The following TUT4 variants were observed in gnomAD, a reference collection of about 807,000 sequenced individuals.
The protein encoded by TUT4 is terminal uridylyl transferase 4.
TUT4 carries 36 observed loss-of-function variants against 192.2 expected under a neutral mutation model. That is an observed-to-expected ratio of 0.19 (90% CI 0.14 to 0.25). The LOEUF (loss-of-function observed/expected upper bound fraction) is 0.25. TUT4 is among the 10% of genes least tolerant of loss of function. The pLI is 1.00. For synonymous variants in TUT4, 618 were observed against 666.0 expected (o/e 0.93, Z 1.11); for missense variants, 1,493 against 1,957.2 (o/e 0.76, Z 4.47).
At chr1:52,535,607 G>A (rs72905613) in intron 1 of TUT4, among the ~76,000 whole-genome samples, 10,169 of 152,150 alleles carry the variant, frequency 0.067, 1,127 homozygotes, top group African/African-American at 0.23. Flanking sequence ...AGAGAAGGGT[G>A]TAGAAAAAAT....
At chr1:52,548,815 A>G (rs1422644308) in intron 1 of TUT4, among the ~76,000 whole-genome samples, 2 of 152,216 alleles carry the variant, frequency 1.3e-5, no homozygotes, top group African/African-American at 2.4e-5. Context: ...TTGCCCATCT[A>G]TAGTGGTGAA....
rs1676546942 is a variant in TUT4, at chr1:52,509,602, A to G, written c.993T>C (p.Asn331=). 6.6e-7 allele frequency: 1 copy of G among 1,518,300 alleles called. No homozygotes were observed. Among genetic ancestry groups the G allele is most frequent in the Non-Finnish European group, 9.0e-7 (1 of 1,106,420 alleles). The allele number at this position is 1,518,300 out of a possible 1,614,324, so 94.1% of individuals were successfully genotyped here. ...KHIKEKRHKK[N]ILEKQEESEL... The stretch of plus-strand genomic sequence containing the variant: ...TTTTTTAAAAAGAACTTACCAAAAT[A>G]TTTTTCTTATGTCGTTTCTCCTTTA... Residue 331 remains asparagine (N), a synonymous_variant, in exon 4 of 30, where the codon AAT becomes AAC. Coordinates refer to ENST00000257177, the MANE Select transcript of TUT4 (RefSeq NM_001009881.3).
chr1:52,512,968 A>G (rs1340660218), intron 3 of TUT4, among the ~76,000 whole-genome samples: 1 of 152,008 alleles, frequency 6.6e-6, no homozygotes, highest in Non-Finnish European at 1.5e-5. Context: ...ATGTTACTTA[A>G]GAGGACAAGC....
rs140001436 is a variant in TUT4, at chr1:52,543,808, T to C, written c.-94+9123A>G. Among the ~76,000 whole-genome samples, 3 of 152,006 alleles carry C rather than the reference T, an allele frequency of 2.0e-5. No homozygotes were observed. In the East Asian group the frequency reaches 5.8e-4, roughly 30 times the overall value. Reference sequence around the variant, plus strand: ...CTTACTGTTGTTAAAATGTCCACACTACCCAAAGCAATCTAAACATTTAAT... The same window carrying C: ...CTTACTGTTGTTAAAATGTCCACACCACCCAAAGCAATCTAAACATTTAAT... On this transcript the variant is annotated intron_variant, in intron 1 of 29. Coordinates refer to ENST00000257177, the MANE Select transcript of TUT4 (RefSeq NM_001009881.3).
At chr1:52,484,700 A>C (rs1289734763) in intron 9 of TUT4, among the ~76,000 whole-genome samples, 1 of 152,198 alleles carries the variant, frequency 6.6e-6, no homozygotes, top group Non-Finnish European at 1.5e-5. Context: ...TCATCTGAGC[A>C]TTCTATTCTG....
chr1:52,506,739 C>T (rs1675692035), intron 4 of TUT4, among the ~76,000 whole-genome samples: 1 of 152,160 alleles, frequency 6.6e-6, no homozygotes, highest in African/African-American at 2.4e-5. Context: ...TACTGTCCTT[C>T]TCTGCTAATC....
At chr1:52,462,840 CATA>C in intron 16 of TUT4, 1 of 984,518 alleles carries the variant, frequency 1.0e-6, no homozygotes, top group East Asian at 1.1e-4. Flanking sequence ...AATCATAATA[CATA>C]ATGATTATGG....
intron 12 of TUT4, among the ~76,000 whole-genome samples, chr1:52,475,985 C>T (rs1346620971): frequency 2.6e-5 from 4 of 152,008 alleles, no homozygotes; most frequent in East Asian, 1.9e-4. Context: ...GCTGGGACTA[C>T]AGGTACACGC....
intron 15 of TUT4, 59 bp from the exon 16 acceptor site, chr1:52,465,232 G>C: frequency 7.5e-6 from 9 of 1,207,872 alleles, no homozygotes; most frequent in Non-Finnish European, 8.4e-6. Context: ...GGAGTCTTCT[G>C]CTATCTGCTG....
intron 28 of TUT4, among the ~76,000 whole-genome samples, chr1:52,426,668 A>C (rs1650058330): frequency 6.6e-6 from 1 of 152,226 alleles, no homozygotes; most frequent in Non-Finnish European, 1.5e-5. Flanking sequence ...AGTTACAACT[A>C]AGGGCTGAAT....
At chr1:52,439,926 A>G (rs1655003671) in intron 24 of TUT4, among the ~76,000 whole-genome samples, 1 of 152,220 alleles carries the variant, frequency 6.6e-6, no homozygotes, top group Non-Finnish European at 1.5e-5. Context: ...ACAATGGAAT[A>G]TTTTTCAGCC....
rs373391180 is a variant in TUT4 at position 52,516,991 on chromosome 1, CTT to C, written c.719-939_719-938del. Among the ~76,000 whole-genome samples the C allele has an allele frequency of 5.0e-3, 758 of 152,322 alleles. 8 individuals are homozygous for C. Among genetic ancestry groups the C allele is most frequent in the African/African-American group, 0.017 (701 of 41,584 alleles). ...TCCAACCTCAGATCTTGCCACGACA[CTT>C]TTCACTTCATATTAAATGTGCCAGA... On this transcript the variant is annotated intron_variant, in intron 2 of 29. Coordinates refer to ENST00000257177, the MANE Select transcript of TUT4 (RefSeq NM_001009881.3).
At chr1:52,507,453 T>A (rs1675907908) in intron 4 of TUT4, among the ~76,000 whole-genome samples, 1 of 152,188 alleles carries the variant, frequency 6.6e-6, no homozygotes, top group African/African-American at 2.4e-5. Context: ...TGAAAACCAC[T>A]GCTTCATATT....
intron 28 of TUT4, among the ~76,000 whole-genome samples, chr1:52,427,201 TTATGA>T (rs1258782203): frequency 1.3e-5 from 2 of 152,130 alleles, no homozygotes; most frequent in African/African-American, 4.8e-5. Context: ...AAGACAAATG[TTATGA>T]TATGAATACT....
chr1:52,537,032 C>T (rs568383378), intron 1 of TUT4, among the ~76,000 whole-genome samples: 6 of 143,640 alleles, frequency 4.2e-5, no homozygotes, highest in East Asian at 2.1e-4. Context: ...TGGTGGCGTG[C>T]GCCCATAGTC....
chr1:52,545,406 G>C (rs1041856166), intron 1 of TUT4, among the ~76,000 whole-genome samples: 12 of 149,064 alleles, frequency 8.1e-5, no homozygotes, highest in Admixed American at 5.4e-4. Context: ...TAACCCCACA[G>C]AACAGAATGG....
chr1:52,470,236 G>A (rs1665366270), intron 14 of TUT4, among the ~76,000 whole-genome samples: 1 of 152,078 alleles, frequency 6.6e-6, no homozygotes, highest in African/African-American at 2.4e-5. Flanking sequence ...GGACCAGGTA[G>A]TCAAGTAAAA....
intron 4 of TUT4, among the ~76,000 whole-genome samples, chr1:52,497,791 A>G (rs189422247): frequency 8.7e-4 from 133 of 152,360 alleles, no homozygotes; most frequent in African/African-American, 3.1e-3. Context: ...CAAAAGCTAC[A>G]TAAAACACAG....
At position 52,525,736 on chromosome 1, in the gene TUT4, T is replaced by C; in HGVS notation, c.545A>G (p.Lys182Arg). 2 of 1,614,198 alleles carry C rather than the reference T, an allele frequency of 1.2e-6. No individual in the cohort carries two copies. The highest frequency in any genetic ancestry group is 1.7e-6 in the Non-Finnish European group (2 of 1,180,030). ...AGAAGTAAAGGAGCTTGGAATTTTT[T>C]TTCCAATCTGTTGTAATTCTGTCTT... ...RQKTELQQIG[K>R]KIPSSFTSVD... The change falls in exon 2 of 30, where the codon AAA becomes AGA. Residue 182 changes from lysine (K) to arginine (R), a missense_variant. Around this residue, in one of 7 missense-constraint regions of TUT4, gnomAD observed 260 missense variants for 247.8 expected, o/e 1.05. Transcript: ENST00000257177.
Sources: gnomAD v4.1 joint callset for allele counts (sites outside exome capture counted in the v4.1 genomes callset) on GRCh38, gnomAD v4.1.1 for gene constraint, gnomAD v4.1.1 regional missense constraint, MANE v1.5 for transcripts, NCBI Gene and HGNC (gene_info 2026-07-23, HGNC 2026-07-21) for gene names.